LRRC4C: variants seen among roughly 807,000 people sequenced by gnomAD.
LRRC4C encodes leucine-rich repeat-containing protein 4C.
Under a neutral mutation model 33.6 loss-of-function variants are expected in LRRC4C, and 5 were observed. That is an observed-to-expected ratio of 0.15 (90% CI 0.08 to 0.31). The LOEUF (loss-of-function observed/expected upper bound fraction) is 0.31, where lower values mean the gene tolerates loss of function less well. LRRC4C is among the 10% of genes least tolerant of loss of function. The pLI is 1.00. For synonymous variants in LRRC4C, 329 were observed against 302.0 expected (o/e 1.09, Z -0.93); for missense variants, 560 against 796.7 (o/e 0.70, Z 3.58).
At chr11:40,674,165 T>C (rs1403390207) in intron 2 of LRRC4C, among the ~76,000 whole-genome samples, 4 of 152,208 alleles carry the variant, frequency 2.6e-5, no homozygotes, top group African/African-American at 9.6e-5. Context: ...AGAATATCTA[T>C]AAAATTGGCT....
chr11:40,300,103 A>G (rs980496471), intron 4 of LRRC4C, among the ~76,000 whole-genome samples: 3 of 152,044 alleles, frequency 2.0e-5, no homozygotes, highest in African/African-American at 4.8e-5. Context: ...AGCAGGAGTA[A>G]GAGAGAGAGA....
At chr11:40,220,097 C>T (rs1486048267) in intron 5 of LRRC4C, among the ~76,000 whole-genome samples, 12 of 152,094 alleles carry the variant, frequency 7.9e-5, no homozygotes, top group Non-Finnish European at 1.8e-4. Context: ...TTTCAACATG[C>T]CAAATTATCC....
rs58032670 is a variant in LRRC4C at position 40,420,010 on chromosome 11, T to A, written c.-269-100289A>T. ...ACTACTTATGAAGAGCAGAAAACCT[T>A]CAAAAGGTGTAAACAGATAGGCAGT... On this transcript the variant is annotated intron_variant, in intron 3 of 6. Transcript: ENST00000528697. Among the ~76,000 whole-genome samples the A allele has an allele frequency of 5.8e-3, 876 of 152,212 alleles. 6 individuals are homozygous for A. The highest frequency in any genetic ancestry group is 0.02 in the African/African-American group (823 of 41,520).
At chr11:40,463,369 G>A (rs1224838075) in intron 3 of LRRC4C, among the ~76,000 whole-genome samples, 3 of 150,920 alleles carry the variant, frequency 2.0e-5, no homozygotes, top group Non-Finnish European at 3.0e-5. Context: ...AATGGCAGCA[G>A]GATGTTGTGA....
At chr11:40,546,692 G>T (rs576094546) in intron 3 of LRRC4C, among the ~76,000 whole-genome samples, 24 of 152,190 alleles carry the variant, frequency 1.6e-4, no homozygotes, top group African/African-American at 4.8e-4. Flanking sequence ...TAAGGAAGTG[G>T]CAAATATATA....
chr11:41,214,573 T>TAAA (rs1946958889), intron 1 of LRRC4C, among the ~76,000 whole-genome samples: 2 of 19,388 alleles, frequency 1.0e-4, no homozygotes, highest in African/African-American at 2.8e-4. Flanking sequence ...CTACTAAAAA[T>TAAA]ACAAAAAAAA....
At chr11:40,545,831 T>G (rs1956890203) in intron 3 of LRRC4C, among the ~76,000 whole-genome samples, 1 of 151,990 alleles carries the variant, frequency 6.6e-6, no homozygotes, top group Non-Finnish European at 1.5e-5. Flanking sequence ...CTAGATGCTC[T>G]CTGGCTGAAG....
intron 2 of LRRC4C, among the ~76,000 whole-genome samples, chr11:40,718,353 T>A (rs541689746): frequency 3.3e-5 from 5 of 152,086 alleles, no homozygotes; most frequent in African/African-American, 1.2e-4. Context: ...AAATTATCCA[T>A]CCCCAAATGA....
At chr11:40,893,866 T>C (rs1023923819) in intron 2 of LRRC4C, among the ~76,000 whole-genome samples, 12 of 151,914 alleles carry the variant, frequency 7.9e-5, no homozygotes, top group African/African-American at 2.9e-4. Context: ...CACAGAGGCA[T>C]ATATATCTCT....
At chr11:40,672,497 TC>T (rs1944178811) in intron 2 of LRRC4C, among the ~76,000 whole-genome samples, 1 of 152,210 alleles carries the variant, frequency 6.6e-6, no homozygotes, top group South Asian at 2.1e-4. Flanking sequence ...CCAATTGAGT[TC>T]CCCATTAGAA....
chr11:40,910,123 C>T (rs966959443), intron 2 of LRRC4C, among the ~76,000 whole-genome samples: 2 of 151,958 alleles, frequency 1.3e-5, no homozygotes, highest in Non-Finnish European at 2.9e-5. Context: ...AATATTAATG[C>T]AATTCTACTA....
At chr11:40,397,375 G>A (rs1041513484) in intron 3 of LRRC4C, among the ~76,000 whole-genome samples, 2 of 151,954 alleles carry the variant, frequency 1.3e-5, no homozygotes, top group Non-Finnish European at 2.9e-5. Flanking sequence ...CAATTTTGAA[G>A]TTAAGTAAAA....
At chr11:41,083,102 G>T (rs189955946) in intron 1 of LRRC4C, among the ~76,000 whole-genome samples, 420 of 152,132 alleles carry the variant, frequency 2.8e-3, no homozygotes, top group African/African-American at 8.8e-3. Context: ...TGTAAAGAAA[G>T]AAAAGATATT....
chr11:40,750,330 G>A (rs1427961235), intron 2 of LRRC4C, among the ~76,000 whole-genome samples: 2 of 152,034 alleles, frequency 1.3e-5, no homozygotes, highest in Admixed American at 6.6e-5. Context: ...TTGAAGAGGA[G>A]GGAATTCTCC....
chr11:40,172,735 T>C (rs1309899256), intron 5 of LRRC4C, among the ~76,000 whole-genome samples: 1 of 152,104 alleles, frequency 6.6e-6, no homozygotes, highest in Admixed American at 6.6e-5. Context: ...CTGTGTCACC[T>C]CATTTAATGG....
chr11:40,516,049 C>T (rs1339779603), intron 3 of LRRC4C, among the ~76,000 whole-genome samples: 3 of 151,904 alleles, frequency 2.0e-5, no homozygotes, highest in African/African-American at 4.8e-5. Flanking sequence ...AAATCTTTTG[C>T]TGAGCATGGG....
At chr11:40,740,750 T>C (rs191572860) in intron 2 of LRRC4C, among the ~76,000 whole-genome samples, 115 of 152,166 alleles carry the variant, frequency 7.6e-4, no homozygotes, top group Middle Eastern at 3.4e-3. Context: ...TCTCTTCTAG[T>C]AGTTTTAAGA....
At chr11:40,954,625 G>T (rs1236615507) in intron 1 of LRRC4C, among the ~76,000 whole-genome samples, 2 of 151,716 alleles carry the variant, frequency 1.3e-5, no homozygotes, top group Non-Finnish European at 2.9e-5. Context: ...GGTTAATCTG[G>T]CCTCATCTTC....
chr11:41,105,358 C>T (rs529821400), intron 1 of LRRC4C, among the ~76,000 whole-genome samples: 1 of 152,096 alleles, frequency 6.6e-6, no homozygotes, highest in South Asian at 2.1e-4. Flanking sequence ...TGCCCTGCTT[C>T]GAAGTTCCAA....
Sources: allele counts gnomAD v4.1 joint callset (sites outside exome capture counted in the v4.1 genomes callset), GRCh38; gene constraint gnomAD v4.1.1; transcripts MANE v1.5; gene names NCBI Gene and HGNC (gene_info 2026-07-23, HGNC 2026-07-21).